The following MMP26 variants were observed in gnomAD, a reference collection of about 807,000 sequenced individuals.
MMP26 encodes matrix metallopeptidase 26.
In MMP26, 33 loss-of-function variants were observed where a neutral mutation model predicts 31.0. That is an observed-to-expected ratio of 1.06 (90% CI 0.81 to 1.42). The LOEUF (loss-of-function observed/expected upper bound fraction) is 1.42. Among genes scored for constraint, MMP26 ranks in the 40% most tolerant of loss-of-function variants. MMP26 has a pLI of 0.00. For missense variants in MMP26, 347 were observed against 316.1 expected (o/e 1.10, Z -0.74); for synonymous variants, 122 against 114.9 (o/e 1.06, Z -0.40).
chr11:4,817,408 G>A (rs571959664), intron 2 of MMP26, among the ~76,000 whole-genome samples: 3 of 152,156 alleles, frequency 2.0e-5, no homozygotes, highest in South Asian at 2.1e-4. Context: ...ATGTAATGGG[G>A]CCCCTTCTCT....
At chr11:4,726,105 A>T (rs1182452517) in intron 1 of MMP26, among the ~76,000 whole-genome samples, 1 of 152,204 alleles carries the variant, frequency 6.6e-6, no homozygotes, top group East Asian at 1.9e-4. Context: ...TGAACTCACA[A>T]AAGAAGTCCA....
chr11:4,818,429 A>G (rs1469809455), intron 2 of MMP26, among the ~76,000 whole-genome samples: 1 of 152,002 alleles, frequency 6.6e-6, no homozygotes, highest in South Asian at 2.1e-4. Context: ...TTCTCTAATC[A>G]TAGGTTTGTT....
chr11:4,907,376 G>A (rs1277336181), intron 2 of MMP26: 1 of 1,608,910 alleles, frequency 6.2e-7, no homozygotes, highest in Non-Finnish European at 8.5e-7. Flanking sequence ...CATTATGTCT[G>A]TTCTCAATAA....
chr11:4,985,397 A>G lies in MMP26; in HGVS notation c.-144-2671A>G, dbSNP rs955667147. The stretch of plus-strand genomic sequence containing the variant: ...TCTAACAACAAACATCATTGTTTCC[A>G]TAGGCAGTCTTAAATCCATCTTGCC... On this transcript the variant is annotated intron_variant, in intron 2 of 7. Transcript: ENST00000380390. Among the ~76,000 whole-genome samples, 3 of 152,322 alleles carry G rather than the reference A, an allele frequency of 2.0e-5. No individual in the cohort carries two copies. In the East Asian group the frequency reaches 5.8e-4, roughly 29 times the overall value.
At chr11:4,788,343 A>G (rs941305511) in intron 2 of MMP26, among the ~76,000 whole-genome samples, 6 of 151,898 alleles carry the variant, frequency 4.0e-5, no homozygotes, top group Admixed American at 2.0e-4. Flanking sequence ...ATGGCCTGTG[A>G]CATGAGAACC....
At position 4,848,358 on chromosome 11, in the gene MMP26, G is replaced by A. The variant is rs755927864; in HGVS notation, c.-145+81017G>A. On this transcript the variant is annotated intron_variant, in intron 2 of 7. Transcript: ENST00000380390. Reference sequence around the variant, plus strand: ...TGGAGGAAGAAGGAAATGGACATAGGATAGAAGAGTATGGGTATGCTGAGT... The same window carrying A: ...TGGAGGAAGAAGGAAATGGACATAGAATAGAAGAGTATGGGTATGCTGAGT... The A allele has an allele frequency of 1.4e-5, 23 of 1,614,006 alleles. No homozygotes were observed. Among genetic ancestry groups the A allele is most frequent in the Middle Eastern group, 3.3e-4 (2 of 6,084 alleles).
At chr11:4,901,149 CTTTTTTTTTTTTTTT>C (rs55678976) in intron 2 of MMP26, among the ~76,000 whole-genome samples, 4 of 84,516 alleles carry the variant, frequency 4.7e-5, no homozygotes, top group Non-Finnish European at 8.7e-5. Flanking sequence ...CCTCTTTGTG[CTTTTTTTTTTTTTTT>C]TTTTTTTTTT....
chr11:4,846,405 G>T (rs1458202976), intron 2 of MMP26, among the ~76,000 whole-genome samples: 2 of 152,142 alleles, frequency 1.3e-5, no homozygotes, highest in East Asian at 1.9e-4. Context: ...AGGCTGGGAA[G>T]GGTAGTGGGA....
intron 2 of MMP26, among the ~76,000 whole-genome samples, chr11:4,968,591 G>A (rs1176400356): frequency 6.6e-6 from 1 of 151,828 alleles, no homozygotes; most frequent in African/African-American, 2.4e-5. Context: ...AGCATAAAAT[G>A]TAGCAAACTA....
At position 4,740,617 on chromosome 11, in the gene MMP26, A is replaced by G. The variant is rs1848299660; in HGVS notation, c.-216-26653A>G. On this transcript the variant is annotated intron_variant, in intron 1 of 7. Transcript: ENST00000380390. ...AGAATCTCTTGAACCCGTGAAGCAG[A>G]GGTTGCAGTGAGCCGAGATTGCACC... Among the ~76,000 whole-genome samples the G allele has an allele frequency of 2.0e-5, 3 of 150,058 alleles. No homozygotes were observed. In the South Asian group the frequency reaches 6.5e-4, roughly 32 times the overall value.
chr11:4,786,126 G>C (rs1278902234), intron 2 of MMP26, among the ~76,000 whole-genome samples: 2 of 152,074 alleles, frequency 1.3e-5, no homozygotes, highest in Admixed American at 6.6e-5. Context: ...TCTCAGCCTG[G>C]GTGTGTGTGA....
intron 2 of MMP26, among the ~76,000 whole-genome samples, chr11:4,833,798 C>T (rs750004962): frequency 1.3e-5 from 2 of 152,052 alleles, no homozygotes; most frequent in African/African-American, 2.4e-5. Context: ...TATAGAAGGG[C>T]CATGGCACTT....
Position 4,854,431 on chromosome 11 carries a change from G to A in MMP26, c.-145+87090G>A, listed in dbSNP as rs181634456. Among the ~76,000 whole-genome samples the A allele has an allele frequency of 3.4e-3, 516 of 152,268 alleles. 2 individuals carry two copies. The highest frequency in any genetic ancestry group is 4.8e-3 in the Non-Finnish European group (329 of 68,012). ...GGACATTGTATCCCACGCCTGGCTCGGAGGGTCCCACGCCCACGGAACCTT... is the reference window on the plus strand; with the variant it reads ...GGACATTGTATCCCACGCCTGGCTCAGAGGGTCCCACGCCCACGGAACCTT... On this transcript the variant is annotated intron_variant, in intron 2 of 7. Transcript: ENST00000380390.
At chr11:4,869,868 TAC>T (rs1850287599) in intron 2 of MMP26, among the ~76,000 whole-genome samples, 1 of 152,134 alleles carries the variant, frequency 6.6e-6, no homozygotes, top group Admixed American at 6.5e-5. Flanking sequence ...CACATATATA[TAC>T]ACCAGGGAAT....
At chr11:4,712,654 T>G (rs1847876845) in intron 1 of MMP26, among the ~76,000 whole-genome samples, 1 of 152,182 alleles carries the variant, frequency 6.6e-6, no homozygotes, top group African/African-American at 2.4e-5. Context: ...GTAACAATTT[T>G]GATTCATGCT....
In MMP26 at chr11:4,758,262, A is replaced by G. The variant is rs1172503824; in HGVS notation, c.-216-9008A>G. The stretch of plus-strand genomic sequence containing the variant: ...CCAGATGCAGGATATTACATATTGT[A>G]TGATCAATTTTAATGAAACGACTGG... On this transcript the variant is annotated intron_variant, in intron 1 of 7. Coordinates refer to ENST00000380390, the MANE Select transcript of MMP26 (RefSeq NM_021801.5). Among the ~76,000 whole-genome samples the G allele has an allele frequency of 2.0e-5, 3 of 152,238 alleles. No individual in the cohort carries two copies. The East Asian group carries it at 5.8e-4, about 29-fold the overall frequency.
At chr11:4,990,525 G>A in intron 4 of MMP26, 73 bp from the exon 5 acceptor site, 6 of 1,400,654 alleles carry the variant, frequency 4.3e-6, no homozygotes, top group Non-Finnish European at 5.8e-6. Context: ...CCCCAAAGTA[G>A]AATTATTCAT....
chr11:4,743,132 G>GA (rs1848336135), intron 1 of MMP26, among the ~76,000 whole-genome samples: 1 of 152,018 alleles, frequency 6.6e-6, no homozygotes, highest in Non-Finnish European at 1.5e-5. Context: ...ACATGTATGT[G>GA]AATTATTAAA....
chr11:4,991,277 A>T, intron 5 of MMP26, 94 bp from the exon 6 acceptor site: 1 of 1,450,294 alleles, frequency 6.9e-7, no homozygotes, highest in African/African-American at 1.4e-5. Context: ...AGACTGTTGC[A>T]CAGTATCCTA....
Sources: allele counts gnomAD v4.1 joint callset (sites outside exome capture counted in the v4.1 genomes callset), GRCh38; gene constraint gnomAD v4.1.1; transcripts MANE v1.5; gene names NCBI Gene and HGNC (gene_info 2026-07-23, HGNC 2026-07-21).